Variants in ZNF846 observed in about 807,000 individuals in gnomAD.
ZNF846 encodes zinc finger protein 420 pseudogene.
In ZNF846, 15 loss-of-function variants were observed where a neutral mutation model predicts 16.0. The ratio of observed to expected loss-of-function variants is 0.94; its 90% CI spans 0.63 to 1.45. The LOEUF (loss-of-function observed/expected upper bound fraction) is 1.45, where lower values mean the gene tolerates loss of function less well. Among genes scored for constraint, ZNF846 ranks in the 40% most tolerant of loss-of-function variants. ZNF846 has a pLI of 0.00. For synonymous variants in ZNF846, 229 were observed against 212.0 expected (o/e 1.08, Z -0.70); for missense variants, 714 against 622.3 (o/e 1.15, Z -1.57).
upstream of ZNF846, among the ~76,000 whole-genome samples, chr19:9,773,126 CAT>C (rs1176631359): frequency 6.6e-6 from 1 of 152,154 alleles, no homozygotes; most frequent in Non-Finnish European, 1.5e-5. Flanking sequence ...AAGAACAAGT[CAT>C]GTGACTTTCT....
upstream of ZNF846, among the ~76,000 whole-genome samples, chr19:9,771,710 T>C (rs1414624926): frequency 4.6e-5 from 7 of 152,158 alleles, no homozygotes; most frequent in Non-Finnish European, 1.0e-4. Flanking sequence ...GCATTGAGAC[T>C]GGTTCCATAT....
downstream of ZNF846, among the ~76,000 whole-genome samples, chr19:9,749,636 A>G (rs1048724983): frequency 6.9e-6 from 1 of 145,114 alleles, no homozygotes; most frequent in African/African-American, 2.6e-5. Flanking sequence ...AGTTACCTCC[A>G]GCATAGTATC....
chr19:9,748,844 C>T (rs138266698), downstream of ZNF846, among the ~76,000 whole-genome samples: 51 of 152,230 alleles, frequency 3.4e-4, no homozygotes, highest in African/African-American at 1.1e-3. Context: ...CAGACACCAG[C>T]CCTCTAGGCG....
downstream of ZNF846, among the ~76,000 whole-genome samples, chr19:9,757,194 CAA>C (rs34789194): frequency 7.0e-5 from 9 of 128,404 alleles, no homozygotes; most frequent in Non-Finnish European, 1.2e-4. Flanking sequence ...GACTCTGTCT[CAA>C]AAAAAAAAAA....
intron 1 of ZNF846, among the ~76,000 whole-genome samples, chr19:9,777,439 G>A (rs1337702857): frequency 1.3e-5 from 2 of 151,826 alleles, no homozygotes; most frequent in African/African-American, 4.8e-5. Flanking sequence ...TTTGGAGGTC[G>A]AGGTGGGCAG....
chr19:9,777,667 C>CAAAAAA (rs1378266459), intron 1 of ZNF846, among the ~76,000 whole-genome samples: 1 of 106,000 alleles, frequency 9.4e-6, no homozygotes, highest in African/African-American at 6.4e-5. Context: ...GAGACTCTGT[C>CAAAAAA]CAAAAAAAAA....
upstream of ZNF846, among the ~76,000 whole-genome samples, chr19:9,769,976 G>C (rs949163251): frequency 3.0e-5 from 4 of 135,302 alleles, no homozygotes; most frequent in African/African-American, 1.1e-4. Context: ...GTGAGACTCC[G>C]TCTCAAAAAA....
chr19:9,773,698 C>T (rs931071200), intron 1 of ZNF846, among the ~76,000 whole-genome samples: 3 of 151,986 alleles, frequency 2.0e-5, no homozygotes, highest in African/African-American at 4.8e-5. Flanking sequence ...AGGAGAATCA[C>T]TTGAACCCGG....
At chr19:9,785,613 C>G (rs1281955605) in intron 1 of ZNF846, among the ~76,000 whole-genome samples, 1 of 119,198 alleles carries the variant, frequency 8.4e-6, no homozygotes, top group East Asian at 2.6e-4. Context: ...AGTCGCCGCC[C>G]GCGTCTCTCC....
At chr19:9,776,410 A>G (rs529141931) in intron 1 of ZNF846, among the ~76,000 whole-genome samples, 54 of 152,292 alleles carry the variant, frequency 3.5e-4, no homozygotes, top group African/African-American at 1.3e-3. Context: ...TGAAAGTACT[A>G]AAAGTCTCTG....
chr19:9,750,776 A>G (rs1191626527), downstream of ZNF846, among the ~76,000 whole-genome samples: 2 of 152,128 alleles, frequency 1.3e-5, no homozygotes, highest in Non-Finnish European at 2.9e-5. Context: ...CAGCCTCTCT[A>G]ATGACTTCTC....
intron 1 of ZNF846, among the ~76,000 whole-genome samples, chr19:9,773,906 CAG>C (rs1442516573): frequency 3.9e-5 from 6 of 152,128 alleles, no homozygotes; most frequent in African/African-American, 1.4e-4. Context: ...AATAAGTTAA[CAG>C]AATGTGAAAT....
downstream of ZNF846, among the ~76,000 whole-genome samples, chr19:9,748,921 C>T (rs188038686): frequency 7.2e-5 from 11 of 152,296 alleles, no homozygotes; most frequent in East Asian, 2.1e-3. Flanking sequence ...CTCTTGCCTA[C>T]TCCAGATTCC....
upstream of ZNF846, among the ~76,000 whole-genome samples, chr19:9,770,346 G>C (rs1209296047): frequency 2.0e-5 from 3 of 151,326 alleles, no homozygotes; most frequent in Non-Finnish European, 2.9e-5. Flanking sequence ...AAAACACGTG[G>C]TGTTTGGCTT....
At chr19:9,749,749 C>G (rs953813558), downstream of ZNF846, among the ~76,000 whole-genome samples, 1 of 152,012 alleles carries the variant, frequency 6.6e-6, no homozygotes, top group African/African-American at 2.4e-5. Flanking sequence ...CGTCCCCGCT[C>G]TACAGGCTGA....
intron 1 of ZNF846, among the ~76,000 whole-genome samples, chr19:9,765,730 G>A (rs1012909840): frequency 6.6e-6 from 1 of 152,030 alleles, no homozygotes; most frequent in Non-Finnish European, 1.5e-5. Context: ...TGCAGACATA[G>A]TCTTTTCCAT....
chr19:9,783,429 C>T (rs1289045798), intron 1 of ZNF846, among the ~76,000 whole-genome samples: 1 of 147,068 alleles, frequency 6.8e-6, no homozygotes, highest in Non-Finnish European at 1.5e-5. Context: ...AGGGTTTCGC[C>T]ATGTTGGCCA....
intron 1 of ZNF846, among the ~76,000 whole-genome samples, chr19:9,784,184 G>A (rs1212723221): frequency 6.6e-6 from 1 of 152,176 alleles, no homozygotes; most frequent in East Asian, 1.9e-4. Context: ...GGAGACGGGT[G>A]CTCAGCAAGT....
chr19:9,779,624 G>A (rs1025795364), intron 1 of ZNF846, among the ~76,000 whole-genome samples: 8 of 150,710 alleles, frequency 5.3e-5, no homozygotes, highest in African/African-American at 1.7e-4. Flanking sequence ...AGGCTAGAGT[G>A]TAATGGCGTG....
Sources: gnomAD v4.1 joint callset for allele counts (sites outside exome capture counted in the v4.1 genomes callset) on GRCh38, gnomAD v4.1.1 for gene constraint, MANE v1.5 for transcripts, NCBI Gene and HGNC (gene_info 2026-07-23, HGNC 2026-07-21) for gene names.